The following MYO1D variants were observed in gnomAD, a reference collection of about 807,000 sequenced individuals.
MYO1D encodes unconventional myosin-Id.
MYO1D carries 83 observed loss-of-function variants against 122.0 expected under a neutral mutation model. The observed-to-expected ratio is 0.68, with a 90% CI of 0.57 to 0.82. The LOEUF is 0.82. MYO1D is among the 40% of genes least tolerant of loss of function. The pLI is 0.00. For synonymous variants in MYO1D, 464 were observed against 446.9 expected (o/e 1.04, Z -0.48); for missense variants, 1,157 against 1,269.5 (o/e 0.91, Z 1.35).
intron 21 of MYO1D, among the ~76,000 whole-genome samples, chr17:32,502,472 G>A (rs959543508): frequency 3.3e-5 from 5 of 152,092 alleles, no homozygotes; most frequent in South Asian, 2.1e-4. Context: ...AAAATATTCC[G>A]GAACTAGGTA....
At chr17:32,530,539 G>A (rs1055470762) in intron 21 of MYO1D, among the ~76,000 whole-genome samples, 3 of 152,162 alleles carry the variant, frequency 2.0e-5, no homozygotes, top group South Asian at 2.1e-4. Flanking sequence ...AGTAGCTCAC[G>A]CCTGTAATCC....
chr17:32,833,794 G>A (rs2090794211), intron 1 of MYO1D, among the ~76,000 whole-genome samples: 1 of 151,978 alleles, frequency 6.6e-6, no homozygotes, highest in Non-Finnish European at 1.5e-5. Flanking sequence ...CCTCTGCCTG[G>A]AAGTCTCTCC....
intron 16 of MYO1D, among the ~76,000 whole-genome samples, chr17:32,667,600 T>G (rs547768401): frequency 1.3e-5 from 2 of 152,264 alleles, no homozygotes; most frequent in South Asian, 4.1e-4. Context: ...AAAAAGTACA[T>G]GTGAGTCTGA....
At chr17:32,662,838 T>C (rs1410643015) in intron 16 of MYO1D, among the ~76,000 whole-genome samples, 1 of 152,106 alleles carries the variant, frequency 6.6e-6, no homozygotes, top group Admixed American at 6.5e-5. Context: ...GAGTAGTCAG[T>C]GCCCAATAAG....
intron 15 of MYO1D, among the ~76,000 whole-genome samples, chr17:32,712,860 T>A (rs2089396494): frequency 6.6e-6 from 1 of 152,016 alleles, no homozygotes; most frequent in South Asian, 2.1e-4. Flanking sequence ...AGTCACAGAG[T>A]CACAGTCTTT....
At chr17:32,522,739 G>C (rs146294739) in intron 21 of MYO1D, among the ~76,000 whole-genome samples, 64 of 152,148 alleles carry the variant, frequency 4.2e-4, no homozygotes, top group Non-Finnish European at 7.8e-4. Flanking sequence ...TACCCACTGA[G>C]GAGGGCCAGT....
intron 21 of MYO1D, among the ~76,000 whole-genome samples, chr17:32,573,434 T>A (rs2087249138): frequency 6.6e-6 from 1 of 152,226 alleles, no homozygotes; most frequent in Non-Finnish European, 1.5e-5. Context: ...TCTTCTTTCC[T>A]GTTTTATTAC....
chr17:32,540,967 T>C (rs2150878478), intron 21 of MYO1D, among the ~76,000 whole-genome samples: 1 of 145,628 alleles, frequency 6.9e-6, no homozygotes, highest in South Asian at 2.2e-4. Flanking sequence ...TGGCAAGGAA[T>C]GGAGAAATTA....
intron 1 of MYO1D, among the ~76,000 whole-genome samples, chr17:32,788,858 CA>C (rs2151034687): frequency 6.6e-6 from 1 of 152,280 alleles, no homozygotes; most frequent in African/African-American, 2.4e-5. Flanking sequence ...GTCATTTTCA[CA>C]ACACTGATTC....
intron 1 of MYO1D, among the ~76,000 whole-genome samples, chr17:32,861,313 G>A (rs1186383763): frequency 1.3e-5 from 2 of 151,898 alleles, no homozygotes; most frequent in African/African-American, 2.4e-5. Flanking sequence ...TGATCCACCC[G>A]CCTCAGCCTC....
chr17:32,824,082 A>G (rs998213831), intron 1 of MYO1D, among the ~76,000 whole-genome samples: 1 of 151,608 alleles, frequency 6.6e-6, no homozygotes, highest in African/African-American at 2.4e-5. Flanking sequence ...AAAAAAAAAA[A>G]AAGAAGTACT....
chr17:32,776,093 G>A, intron 3 of MYO1D, 64 bp from the exon 4 acceptor site: 1 of 1,435,354 alleles, frequency 7.0e-7, no homozygotes, highest in Non-Finnish European at 9.5e-7. Context: ...TTTAAAAACT[G>A]GATTTTGCTA....
At chr17:32,532,395 G>A (rs554103657) in intron 21 of MYO1D, among the ~76,000 whole-genome samples, 4 of 151,938 alleles carry the variant, frequency 2.6e-5, no homozygotes, top group Admixed American at 1.3e-4. Context: ...GGTGACCCAC[G>A]GCCTTAAAAG....
chr17:32,694,389 C>G (rs2089143982), intron 16 of MYO1D, among the ~76,000 whole-genome samples: 1 of 152,122 alleles, frequency 6.6e-6, no homozygotes, highest in Non-Finnish European at 1.5e-5. Context: ...TTGGACATAC[C>G]TACTATGTCT....
intron 21 of MYO1D, among the ~76,000 whole-genome samples, chr17:32,524,196 C>T (rs1910257721): frequency 2.0e-5 from 3 of 152,122 alleles, no homozygotes; most frequent in African/African-American, 4.8e-5. Flanking sequence ...ATATATGCAT[C>T]GTTTTGAATT....
At chr17:32,623,213 G>A (rs1374277089) in intron 20 of MYO1D, among the ~76,000 whole-genome samples, 1 of 152,158 alleles carries the variant, frequency 6.6e-6, no homozygotes, top group Non-Finnish European at 1.5e-5. Context: ...ACACTGTAAA[G>A]AGGTCTATGC....
intron 1 of MYO1D, among the ~76,000 whole-genome samples, chr17:32,838,661 A>T (rs2090850105): frequency 6.6e-6 from 1 of 152,230 alleles, no homozygotes; most frequent in Non-Finnish European, 1.5e-5. Context: ...TTGAGAGCAA[A>T]GTAAGCCACC....
At position 32,765,000 on chromosome 17, in the gene MYO1D, A is replaced by G; in HGVS notation, c.913T>C (p.Ser305Pro). Reference protein sequence around the residue: ...KVVSIIAELLSTKTDMVEKAL... With the variant: ...KVVSIIAELLPTKTDMVEKAL... ...TTCTCAACCATATCTGTCTTAGTAG[A>G]GAGCAATTCTGCTATGATAGATACT... Residue 305 changes from serine (S) to proline (P), a missense_variant, in exon 8 of 22, where the codon TCT becomes CCT. Transcript: ENST00000318217. 1 of 1,614,158 alleles carries G rather than the reference A, an allele frequency of 6.2e-7. No individual in the cohort carries two copies. Among genetic ancestry groups the G allele is most frequent in the Non-Finnish European group, 8.5e-7 (1 of 1,179,998 alleles).
intron 8 of MYO1D, among the ~76,000 whole-genome samples, chr17:32,763,617 T>G (rs991085366): frequency 6.6e-6 from 1 of 152,012 alleles, no homozygotes; most frequent in Admixed American, 6.6e-5. Context: ...ATCAGTAAAT[T>G]TAAAGTTTAA....
Sources: gnomAD v4.1 joint callset for allele counts (sites outside exome capture counted in the v4.1 genomes callset) on GRCh38, gnomAD v4.1.1 for gene constraint, MANE v1.5 for transcripts, NCBI Gene and HGNC (gene_info 2026-07-23, HGNC 2026-07-21) for gene names.